LRRTM4: variants seen among roughly 807,000 people sequenced by gnomAD.
The protein encoded by LRRTM4 is leucine rich repeat transmembrane neuronal 4, also known as leucine-rich repeat transmembrane neuronal protein 4.
In LRRTM4, 25 loss-of-function variants were observed where a neutral mutation model predicts 47.6. The observed-to-expected ratio is 0.53, with a 90% CI of 0.38 to 0.73. The LOEUF (loss-of-function observed/expected upper bound fraction) is 0.73, where lower values mean the gene tolerates loss of function less well. Among genes scored for constraint, LRRTM4 ranks in the 30% least tolerant of loss-of-function variants. The probability of loss-of-function intolerance (pLI) is 0.00; values close to 1 mark genes in which losing one functional copy is unlikely to be tolerated. For synonymous variants in LRRTM4, 311 were observed against 269.5 expected (o/e 1.15, Z -1.51); for missense variants, 638 against 713.4 (o/e 0.89, Z 1.20).
chr2:76,758,546 G>A (rs539451740), intron 3 of LRRTM4, among the ~76,000 whole-genome samples: 1 of 152,232 alleles, frequency 6.6e-6, no homozygotes, highest in African/African-American at 2.4e-5. Context: ...AAAAAGGGGA[G>A]AAGCCCATTT....
rs190142067 is a variant in LRRTM4 at position 77,115,986 on chromosome 2, G to A, written c.1552-367070C>T. Among the ~76,000 whole-genome samples, 337 of 152,216 alleles carry A rather than the reference G, an allele frequency of 2.2e-3. 2 individuals carry two copies. The highest frequency in any genetic ancestry group is 7.6e-3 in the African/African-American group (317 of 41,552). On this transcript the variant is annotated intron_variant, in intron 3 of 3. Coordinates refer to ENST00000409884, the MANE Select transcript of LRRTM4 (RefSeq NM_001134745.3). ...ACTTCCTGAACCTTGTCTGCTTGGG[G>A]AGTGTTCTTTTTGACTAGGTATGTC...
chr2:77,082,663 C>T (rs535323196), intron 3 of LRRTM4, among the ~76,000 whole-genome samples: 2 of 149,076 alleles, frequency 1.3e-5, no homozygotes, highest in South Asian at 2.1e-4. Context: ...GAATTTATCT[C>T]GCTAGTTAAA....
intron 3 of LRRTM4, among the ~76,000 whole-genome samples, chr2:77,168,079 G>T (rs1220773702): frequency 6.6e-6 from 1 of 151,864 alleles, no homozygotes; most frequent in African/African-American, 2.4e-5. Flanking sequence ...CCTTACTTTG[G>T]GTGTTTGTGT....
chr2:77,324,442 C>A (rs1204134013), intron 3 of LRRTM4, among the ~76,000 whole-genome samples: 2 of 152,090 alleles, frequency 1.3e-5, no homozygotes, highest in Admixed American at 1.3e-4. Context: ...AGGCTCAAAT[C>A]TAGTCCAGGA....
intron 3 of LRRTM4, among the ~76,000 whole-genome samples, chr2:76,792,187 A>T (rs977886405): frequency 1.3e-5 from 2 of 152,202 alleles, no homozygotes; most frequent in African/African-American, 4.8e-5. Context: ...CTTTTGGTAC[A>T]ATACTTTACC....
At chr2:77,451,934 G>A (rs1488693012) in intron 3 of LRRTM4, among the ~76,000 whole-genome samples, 1 of 152,054 alleles carries the variant, frequency 6.6e-6, no homozygotes, top group African/African-American at 2.4e-5. Flanking sequence ...ATGAGTTTGA[G>A]GTGTTTAAAG....
chr2:76,994,799 G>C (rs1001740163), intron 3 of LRRTM4, among the ~76,000 whole-genome samples: 2 of 151,900 alleles, frequency 1.3e-5, no homozygotes, highest in African/African-American at 4.8e-5. Flanking sequence ...TGTATTATCT[G>C]CTGTTTTGAT....
At chr2:76,868,939 T>C (rs1465335097) in intron 3 of LRRTM4, among the ~76,000 whole-genome samples, 1 of 152,116 alleles carries the variant, frequency 6.6e-6, no homozygotes, top group Admixed American at 6.5e-5. Flanking sequence ...GATAGGGAAT[T>C]TACTTAACAC....
intron 3 of LRRTM4, among the ~76,000 whole-genome samples, chr2:76,908,600 T>C (rs183902897): frequency 6.6e-6 from 1 of 152,246 alleles, no homozygotes; most frequent in Admixed American, 6.5e-5. Flanking sequence ...AACCCCATTG[T>C]CTCAGCCCAA....
intron 3 of LRRTM4, among the ~76,000 whole-genome samples, chr2:77,170,844 A>G (rs80293139): frequency 0.034 from 5,174 of 150,916 alleles, 145 homozygotes; most frequent in African/African-American, 0.082. Context: ...AAAACCTTAT[A>G]TATATATATA....
rs1558771539 is a variant in LRRTM4 at position 76,974,185 on chromosome 2, TACATATATATACATATATATATATACAC to T, written c.1552-225297_1552-225270del. 1.9e-4 allele frequency among the ~76,000 whole-genome samples: 18 copies of T among 95,276 alleles called. 1 individual carries two copies. Among genetic ancestry groups the T allele is most frequent in the African/African-American group, 1.2e-3 (18 of 14,912 alleles). 62.5% of individuals were successfully genotyped at this position (95,276 alleles called of 152,430 possible). Reference sequence around the variant, plus strand: ...ATATATATACATACATATATATACATACATATATATACATATATATATATACACATATATATACATACATATATATATA... The same window carrying T: ...ATATATATACATACATATATATACATATATATATACATACATATATATATA... On this transcript the variant is annotated intron_variant, in intron 3 of 3. Transcript: ENST00000409884.
chr2:76,755,720 GA>G (rs1290812789), intron 3 of LRRTM4, among the ~76,000 whole-genome samples: 1 of 152,106 alleles, frequency 6.6e-6, no homozygotes, highest in East Asian at 1.9e-4. Context: ...GGAGTTATAG[GA>G]AGAAAAGGAG....
intron 3 of LRRTM4, among the ~76,000 whole-genome samples, chr2:77,457,408 A>C (rs1188273543): frequency 6.6e-6 from 1 of 151,812 alleles, no homozygotes; most frequent in Non-Finnish European, 1.5e-5. Context: ...TACATAATTC[A>C]ATTATCTATC....
intron 3 of LRRTM4, among the ~76,000 whole-genome samples, chr2:77,446,144 A>G (rs191325357): frequency 5.9e-5 from 9 of 152,180 alleles, no homozygotes; most frequent in African/African-American, 2.2e-4. Flanking sequence ...ATTTGACTCA[A>G]CATGTAATAG....
chr2:77,251,745 C>G (rs913534413), intron 3 of LRRTM4, among the ~76,000 whole-genome samples: 1 of 152,160 alleles, frequency 6.6e-6, no homozygotes, highest in East Asian at 1.9e-4. Flanking sequence ...CCCTTGCACT[C>G]ACCCACTATA....
chr2:77,342,724 T>G (rs1455122814), intron 3 of LRRTM4, among the ~76,000 whole-genome samples: 2 of 151,902 alleles, frequency 1.3e-5, no homozygotes, highest in East Asian at 3.9e-4. Flanking sequence ...GTAGGTTGTT[T>G]TGTTTGTTTG....
intron 3 of LRRTM4, among the ~76,000 whole-genome samples, chr2:77,002,803 G>A (rs1677481130): frequency 6.6e-6 from 1 of 152,060 alleles, no homozygotes; most frequent in Non-Finnish European, 1.5e-5. Context: ...ATGCTTCTTA[G>A]AACACAGAAT....
intron 3 of LRRTM4, among the ~76,000 whole-genome samples, chr2:76,913,224 C>T (rs13416719): frequency 0.35 from 52,781 of 151,796 alleles, 9,861 homozygotes; most frequent in East Asian, 0.68. Context: ...GTAAGAGATA[C>T]AGATGTTATA....
At chr2:76,796,052 ATGTAC>A (rs1197642996) in intron 3 of LRRTM4, among the ~76,000 whole-genome samples, 1 of 117,270 alleles carries the variant, frequency 8.5e-6, no homozygotes, top group African/African-American at 4.2e-5. Flanking sequence ...GAAAGGGGTG[ATGTAC>A]TGCACCTGGA....
Sources: allele counts gnomAD v4.1 joint callset (sites outside exome capture counted in the v4.1 genomes callset), GRCh38; gene constraint gnomAD v4.1.1; transcripts MANE v1.5; gene names NCBI Gene and HGNC (gene_info 2026-07-23, HGNC 2026-07-21).